Variants in PRKAG2 observed in about 807,000 individuals in gnomAD.
The protein encoded by PRKAG2 is protein kinase AMP-activated non-catalytic subunit gamma 2.
Under a neutral mutation model 69.6 loss-of-function variants are expected in PRKAG2, and 26 were observed. The ratio of observed to expected loss-of-function variants is 0.37; its 90% CI spans 0.27 to 0.52. The LOEUF (loss-of-function observed/expected upper bound fraction) is 0.52. Among genes scored for constraint, PRKAG2 ranks in the 20% least tolerant of loss-of-function variants. The probability of loss-of-function intolerance (pLI) is 0.90; values close to 1 mark genes in which losing one functional copy is unlikely to be tolerated. For missense variants in PRKAG2, 557 were observed against 740.0 expected, an observed-to-expected ratio of 0.75 and a Z score of 2.87; for synonymous variants, 293 against 285.0, an observed-to-expected ratio of 1.03 and a Z score of -0.28.
chr7:151,713,632 C>T (rs371815215), intron 3 of PRKAG2, among the ~76,000 whole-genome samples: 112 of 150,468 alleles, frequency 7.4e-4, no homozygotes, highest in Middle Eastern at 3.4e-3. Context: ...TTGCCCAGGC[C>T]GGAGTGCAGT....
intron 4 of PRKAG2, among the ~76,000 whole-genome samples, chr7:151,646,824 G>A (rs1259559415): frequency 1.3e-5 from 2 of 152,146 alleles, no homozygotes; most frequent in African/African-American, 2.4e-5. Context: ...ATGGATATCT[G>A]CTGCTTTCAG....
chr7:151,870,533 G>A (rs1035739115), intron 1 of PRKAG2, among the ~76,000 whole-genome samples: 1 of 152,338 alleles, frequency 6.6e-6, no homozygotes, highest in East Asian at 1.9e-4. Context: ...CGTCCACTGT[G>A]CCACACAGCA....
intron 3 of PRKAG2, among the ~76,000 whole-genome samples, chr7:151,759,992 C>G (rs2075321086): frequency 6.6e-6 from 1 of 152,230 alleles, no homozygotes; most frequent in South Asian, 2.1e-4. Context: ...AAGATGTGGA[C>G]TGTGGTGGGG....
rs967718501 is a variant in PRKAG2 at position 151,756,864 on chromosome 7, G to C, written c.466+24288C>G. ...ATTAAACTCCATCTGCTTTTAGTAC[G>C]GAGAGTAACCCTCTTCCAGGTAGGA... On this transcript the variant is annotated intron_variant, in intron 3 of 15. Coordinates refer to ENST00000287878, the MANE Select transcript of PRKAG2 (RefSeq NM_016203.4). The surrounding 1 kb of genome is among the most constrained non-coding windows in gnomAD (Gnocchi z 4.9). Among the ~76,000 whole-genome samples, 1 of 152,144 alleles carries C rather than the reference G, an allele frequency of 6.6e-6. No individual in the cohort carries two copies. The highest frequency in any genetic ancestry group is 2.4e-5 in the African/African-American group (1 of 41,428).
At chr7:151,657,139 A>G (rs1054333576) in intron 4 of PRKAG2, among the ~76,000 whole-genome samples, 3 of 151,206 alleles carry the variant, frequency 2.0e-5, no homozygotes, top group Non-Finnish European at 4.4e-5. Context: ...TCCATCTCAA[A>G]AAAAAAAAGG....
rs969833598 is a variant in PRKAG2, at chr7:151,875,273, G to C, written c.114+1234C>G. On this transcript the variant is annotated intron_variant, in intron 1 of 15. Coordinates refer to ENST00000287878, the MANE Select transcript of PRKAG2 (RefSeq NM_016203.4). ...GGGGCTACTTGGCATCAGGTGTCTG[G>C]AGACCCGCCCCTGGACTCCACCCTC... Among the ~76,000 whole-genome samples, 14 of 147,482 alleles carry C rather than the reference G, an allele frequency of 9.5e-5. No homozygotes were observed. In the Admixed American group the frequency reaches 9.7e-4, roughly 10 times the overall value.
intron 5 of PRKAG2, among the ~76,000 whole-genome samples, chr7:151,605,577 A>C (rs1219780612): frequency 6.6e-6 from 1 of 151,612 alleles, no homozygotes; most frequent in Non-Finnish European, 1.5e-5. Context: ...TCTCTACTAA[A>C]AATACAAAAA....
chr7:151,871,249 C>T (rs1376425831), intron 1 of PRKAG2, among the ~76,000 whole-genome samples: 1 of 152,264 alleles, frequency 6.6e-6, no homozygotes, highest in African/African-American at 2.4e-5. Flanking sequence ...CTCGGCAGAA[C>T]ACCACGCACA....
chr7:151,755,272 C>T (rs573434575), intron 3 of PRKAG2, among the ~76,000 whole-genome samples: 14 of 152,248 alleles, frequency 9.2e-5, no homozygotes, highest in Middle Eastern at 3.4e-3. Context: ...CTGGGAGGCA[C>T]GGCACAGCAC....
At chr7:151,655,917 C>G (rs1387310623) in intron 4 of PRKAG2, among the ~76,000 whole-genome samples, 3 of 152,192 alleles carry the variant, frequency 2.0e-5, no homozygotes, top group Non-Finnish European at 2.9e-5. Flanking sequence ...AAACATACTA[C>G]CCAAATCTGG....
At chr7:151,606,663 T>C (rs1055240090) in intron 5 of PRKAG2, among the ~76,000 whole-genome samples, 1 of 151,564 alleles carries the variant, frequency 6.6e-6, no homozygotes, top group Non-Finnish European at 1.5e-5. Flanking sequence ...CTATGAAAAA[T>C]ACAAAAATCA....
At chr7:151,840,955 G>A (rs1213063670) in intron 1 of PRKAG2, among the ~76,000 whole-genome samples, 3 of 152,222 alleles carry the variant, frequency 2.0e-5, no homozygotes, top group Non-Finnish European at 4.4e-5. Context: ...GAGACAGAGT[G>A]AGACCCCATC....
intron 2 of PRKAG2, among the ~76,000 whole-genome samples, chr7:151,783,063 C>T (rs1418825376): frequency 6.6e-6 from 1 of 152,250 alleles, no homozygotes; most frequent in African/African-American, 2.4e-5. Flanking sequence ...ACGGGGTGCG[C>T]TGTCCGGACC....
At chr7:151,847,662 C>T (rs772939189) in intron 1 of PRKAG2, among the ~76,000 whole-genome samples, 8 of 152,224 alleles carry the variant, frequency 5.3e-5, no homozygotes, top group Non-Finnish European at 1.5e-5. Context: ...TATAACCACG[C>T]GGCAAAGCAC....
In PRKAG2 at chr7:151,565,809, G is replaced by C. The variant is rs762111172; in HGVS notation, c.1310C>G (p.Ala437Gly). 2.5e-6 allele frequency: 4 copies of C among 1,612,084 alleles called. No individual in the cohort carries two copies. The Middle Eastern group carries it at 6.6e-4, about 266-fold the overall frequency. ...ELGIGTYHNI[A>G]FIHPDTPIIK... Reference sequence around the variant, plus strand: ...GATGGGAGTGTCTGGATGTATGAAGGCAATGTTGTGGTACGTTCCTATTCC... The same window carrying C: ...GATGGGAGTGTCTGGATGTATGAAGCCAATGTTGTGGTACGTTCCTATTCC... The change falls in exon 12 of 16, where the codon GCC becomes GGC. Residue 437 changes from alanine (A) to glycine (G), a missense_variant. By Grantham distance (60) the Ala-to-Gly change is moderately conservative. Transcript: ENST00000287878.
chr7:151,736,662 C>G (rs147343042), intron 3 of PRKAG2, among the ~76,000 whole-genome samples: 2 of 152,174 alleles, frequency 1.3e-5, no homozygotes, highest in Non-Finnish European at 2.9e-5. Context: ...CCACACAAGT[C>G]CCTGGGCTGG....
At position 151,807,719 on chromosome 7, in the gene PRKAG2, A is replaced by C. The variant is rs2078187850; in HGVS notation, c.115-21178T>G. ...CCGGGCCCCTCACTTGGGTCAAGGC[A>C]GCATTTCAGAGGAAGCCAGGAGCGA... On this transcript the variant is annotated intron_variant, in intron 1 of 15. Transcript: ENST00000287878. The surrounding 1 kb of genome is among the most constrained non-coding windows in gnomAD (Gnocchi z 4.4). The C allele has an allele frequency of 1.7e-5, 7 of 406,612 alleles. No individual in the cohort carries two copies. Among genetic ancestry groups the C allele is most frequent in the Non-Finnish European group, 3.0e-5 (6 of 199,742 alleles). 25.2% of individuals were successfully genotyped at this position (406,612 alleles called of 1,614,324 possible).
At chr7:151,560,369 C>T (rs1422280782) in intron 15 of PRKAG2, 155 bp downstream of exon 15, 1 of 1,543,426 alleles carries the variant, frequency 6.5e-7, no homozygotes, top group Non-Finnish European at 8.7e-7. Flanking sequence ...TTAAACTTCC[C>T]AACTGAAGAG....
intron 6 of PRKAG2, among the ~76,000 whole-genome samples, chr7:151,582,030 C>T (rs1322599347): frequency 2.6e-5 from 4 of 152,270 alleles, no homozygotes; most frequent in South Asian, 2.1e-4. Flanking sequence ...ACTGATCACG[C>T]GTGCTGAATC....
Sources: gnomAD v4.1 joint callset for allele counts (sites outside exome capture counted in the v4.1 genomes callset) on GRCh38, gnomAD v4.1.1 for gene constraint, Gnocchi (gnomAD v3.1) non-coding constraint, MANE v1.5 for transcripts, NCBI Gene and HGNC (gene_info 2026-07-23, HGNC 2026-07-21) for gene names.